MAP4K4: variants seen among roughly 807,000 people sequenced by gnomAD.
MAP4K4 encodes the protein HPK/GCK-like kinase HGK.
A neutral mutation model predicts 189.6 loss-of-function variants in MAP4K4; 38 were observed. That is an observed-to-expected ratio of 0.20 (90% CI 0.15 to 0.26). The LOEUF (loss-of-function observed/expected upper bound fraction) is 0.26, where lower values mean the gene tolerates loss of function less well. Among genes scored for constraint, MAP4K4 ranks in the 10% least tolerant of loss-of-function variants. The pLI is 1.00. For synonymous variants in MAP4K4, 610 were observed against 624.3 expected, an observed-to-expected ratio of 0.98 and a Z score of 0.34; for missense variants, 1,054 against 1,726.9, an observed-to-expected ratio of 0.61 and a Z score of 6.91.
At chr2:101,841,734 T>C (rs1434644755) in intron 10 of MAP4K4, among the ~76,000 whole-genome samples, 1 of 152,206 alleles carries the variant, frequency 6.6e-6, no homozygotes, top group Non-Finnish European at 1.5e-5. Context: ...CCCAAAGTGC[T>C]GGGATTACAG....
intron 2 of MAP4K4, among the ~76,000 whole-genome samples, chr2:101,714,559 C>G (rs192165306): frequency 6.6e-6 from 1 of 152,110 alleles, no homozygotes; most frequent in Non-Finnish European, 1.5e-5. Flanking sequence ...CTATAAGCAC[C>G]TTATCTTCCC....
At chr2:101,790,896 G>A in intron 3 of MAP4K4, 120 bp downstream of exon 3, 1 of 852,526 alleles carries the variant, frequency 1.2e-6, no homozygotes. Flanking sequence ...GCCCTCCTGT[G>A]ACATTGTGGG....
intron 2 of MAP4K4, among the ~76,000 whole-genome samples, chr2:101,713,203 T>A (rs200379646): frequency 6.6e-6 from 1 of 151,676 alleles, no homozygotes; most frequent in East Asian, 2.0e-4. Context: ...CCACTGCGCC[T>A]GGCCTTAAAC....
At chr2:101,715,682 A>G (rs1397239804) in intron 2 of MAP4K4, among the ~76,000 whole-genome samples, 1 of 152,156 alleles carries the variant, frequency 6.6e-6, no homozygotes, top group Non-Finnish European at 1.5e-5. Context: ...GGGATACTCA[A>G]CCTGAAAATT....
chr2:101,830,662 A>T (rs1225966285), intron 6 of MAP4K4, among the ~76,000 whole-genome samples: 2 of 152,222 alleles, frequency 1.3e-5, no homozygotes, highest in African/African-American at 4.8e-5. Flanking sequence ...CAGAGCTAAC[A>T]TAGGAAGCAC....
At chr2:101,714,811 G>T (rs1476482659) in intron 2 of MAP4K4, among the ~76,000 whole-genome samples, 1 of 152,122 alleles carries the variant, frequency 6.6e-6, no homozygotes, top group Non-Finnish European at 1.5e-5. Context: ...TCCATAGGCT[G>T]CAGTCCACTT....
At chr2:101,708,546 C>A (rs1442794722) in intron 2 of MAP4K4, among the ~76,000 whole-genome samples, 1 of 152,086 alleles carries the variant, frequency 6.6e-6, no homozygotes, top group African/African-American at 2.4e-5. Context: ...ATGCTGGCTG[C>A]TGCTTTGAAC....
At chr2:101,835,571 A>G (rs548253930) in intron 8 of MAP4K4, among the ~76,000 whole-genome samples, 6 of 152,340 alleles carry the variant, frequency 3.9e-5, no homozygotes, top group African/African-American at 1.4e-4. Flanking sequence ...CAACAACCCT[A>G]TGAAAATACA....
chr2:101,761,881 A>G (rs919367734), intron 2 of MAP4K4, among the ~76,000 whole-genome samples: 1 of 152,110 alleles, frequency 6.6e-6, no homozygotes, highest in Non-Finnish European at 1.5e-5. Flanking sequence ...TTTAATCCCT[A>G]TCCTGCCCCA....
chr2:101,753,652 G>A (rs1457198871), intron 2 of MAP4K4, among the ~76,000 whole-genome samples: 8 of 151,420 alleles, frequency 5.3e-5, no homozygotes, highest in Non-Finnish European at 2.9e-5. Context: ...ATTTTTGTCC[G>A]CAAGTATACA....
intron 3 of MAP4K4, among the ~76,000 whole-genome samples, chr2:101,800,425 G>C (rs1319268338): frequency 1.3e-5 from 2 of 152,186 alleles, no homozygotes; most frequent in Non-Finnish European, 2.9e-5. Context: ...GAGAATTTCC[G>C]AAAGTGCTTT....
At chr2:101,852,524 T>C (rs1246749564) in intron 12 of MAP4K4, among the ~76,000 whole-genome samples, 1 of 152,136 alleles carries the variant, frequency 6.6e-6, no homozygotes, top group African/African-American at 2.4e-5. Flanking sequence ...TAGTATCACC[T>C]GAAATTAAAA....
At chr2:101,879,922 G>C (rs999699067) in intron 27 of MAP4K4, among the ~76,000 whole-genome samples, 2 of 151,150 alleles carry the variant, frequency 1.3e-5, no homozygotes, top group Non-Finnish European at 2.9e-5. Context: ...GGAATTAATA[G>C]GTGTATCTCA....
chr2:101,889,718 G>C (rs955384339), intron 32 of MAP4K4, among the ~76,000 whole-genome samples: 3 of 152,184 alleles, frequency 2.0e-5, no homozygotes, highest in Non-Finnish European at 4.4e-5. Context: ...TTTGAAACTT[G>C]GCCCTGAAGA....
intron 2 of MAP4K4, among the ~76,000 whole-genome samples, chr2:101,756,587 C>T (rs2072922689): frequency 6.6e-6 from 1 of 152,230 alleles, no homozygotes; most frequent in African/African-American, 2.4e-5. Context: ...GACAGCTTCA[C>T]TTTGTTGCTT....
At chr2:101,831,441 A>G (rs908008738) in intron 6 of MAP4K4, among the ~76,000 whole-genome samples, 1 of 151,738 alleles carries the variant, frequency 6.6e-6, no homozygotes. Flanking sequence ...GGTTCATTCA[A>G]AAGGCCCTCT....
chr2:101,844,656 G>A (rs1022571042), intron 12 of MAP4K4, among the ~76,000 whole-genome samples: 1 of 152,178 alleles, frequency 6.6e-6, no homozygotes, highest in East Asian at 1.9e-4. Flanking sequence ...GCTTGCTCAG[G>A]ATTGACCTGA....
intron 2 of MAP4K4, among the ~76,000 whole-genome samples, chr2:101,782,776 C>T (rs4851493): frequency 0.063 from 9,531 of 152,182 alleles, 802 homozygotes; most frequent in African/African-American, 0.19. Flanking sequence ...AGGTTGATTA[C>T]GTGCTTTCTT....
At chr2:101,745,142 G>A (rs947944149) in intron 2 of MAP4K4, among the ~76,000 whole-genome samples, 2 of 152,008 alleles carry the variant, frequency 1.3e-5, no homozygotes, top group Non-Finnish European at 2.9e-5. Flanking sequence ...GTATTTGATG[G>A]TGTGTTTCTT....
Sources: allele counts gnomAD v4.1 joint callset (sites outside exome capture counted in the v4.1 genomes callset), GRCh38; gene constraint gnomAD v4.1.1; transcripts MANE v1.5; gene names NCBI Gene and HGNC (gene_info 2026-07-23, HGNC 2026-07-21).